FUT8: variants seen among roughly 807,000 people sequenced by gnomAD.
FUT8 encodes fucosyltransferase 8.
FUT8 carries 29 observed loss-of-function variants against 71.3 expected under a neutral mutation model. That is an observed-to-expected ratio of 0.41 (90% CI 0.30 to 0.55). The LOEUF (loss-of-function observed/expected upper bound fraction) is 0.55. FUT8 is among the 20% of genes least tolerant of loss of function. The pLI, the probability that FUT8 is intolerant of heterozygous loss-of-function variation, is 0.34. For missense variants in FUT8, 544 were observed against 702.1 expected (o/e 0.77, Z 2.55); for synonymous variants, 254 against 239.3 (o/e 1.06, Z -0.57).
intron 1 of FUT8, among the ~76,000 whole-genome samples, chr14:65,426,272 G>A (rs2065386420): frequency 6.7e-6 from 1 of 149,870 alleles, no homozygotes; most frequent in Non-Finnish European, 1.5e-5. Context: ...GTTCATCCAT[G>A]TTATTTGCAG....
the FUT8 span, among the ~76,000 whole-genome samples, chr14:65,394,010 G>A: frequency 1.3e-5 from 2 of 152,144 alleles, no homozygotes; most frequent in African/African-American, 4.8e-5. Flanking sequence ...AGGCTGAAGT[G>A]CAATGGCGCA....
chr14:65,397,154 A>T, the FUT8 span, among the ~76,000 whole-genome samples: 1 of 152,236 alleles, frequency 6.6e-6, no homozygotes, highest in Non-Finnish European at 1.5e-5. The surrounding 1 kb of genome is among the most constrained non-coding windows in gnomAD (Gnocchi z 4.2). Flanking sequence ...GCAGAGGAAG[A>T]AAGAGCTGGA....
the FUT8 span, among the ~76,000 whole-genome samples, chr14:65,371,886 A>G: frequency 4.6e-5 from 7 of 151,884 alleles, no homozygotes. Flanking sequence ...AGGGCTGCTC[A>G]GTGAGCAGAG....
At chr14:65,718,365 G>A (rs1895232946) in intron 7 of FUT8, among the ~76,000 whole-genome samples, 1 of 152,092 alleles carries the variant, frequency 6.6e-6, no homozygotes, top group African/African-American at 2.4e-5. Context: ...TAAATACTCT[G>A]TACTTTGTCC....
At chr14:65,425,468 GTTT>G (rs557101189) in intron 1 of FUT8, among the ~76,000 whole-genome samples, 2 of 119,564 alleles carry the variant, frequency 1.7e-5, no homozygotes, top group Non-Finnish European at 1.8e-5. Context: ...ATGCCTGGCC[GTTT>G]TTTTTTTTTT....
At chr14:65,503,794 A>G (rs2066683525) in intron 2 of FUT8, among the ~76,000 whole-genome samples, 1 of 152,228 alleles carries the variant, frequency 6.6e-6, no homozygotes, top group South Asian at 2.1e-4. Context: ...TCTCACAATT[A>G]GCTGGGGTGA....
intron 1 of FUT8, among the ~76,000 whole-genome samples, chr14:65,436,565 C>G (rs536828727): frequency 6.6e-6 from 1 of 150,562 alleles, no homozygotes; most frequent in East Asian, 2.0e-4. Flanking sequence ...GGAGGTGGAG[C>G]TGGCAGTGAG....
At chr14:65,436,707 T>C (rs1205588363) in intron 1 of FUT8, among the ~76,000 whole-genome samples, 1 of 152,172 alleles carries the variant, frequency 6.6e-6, no homozygotes, top group Admixed American at 6.5e-5. Flanking sequence ...GCATTGGGGT[T>C]GCACACTCAA....
At chr14:65,715,535 A>T (rs1895011587) in intron 7 of FUT8, among the ~76,000 whole-genome samples, 1 of 152,150 alleles carries the variant, frequency 6.6e-6, no homozygotes, top group Non-Finnish European at 1.5e-5. Flanking sequence ...TGGTTCTTTA[A>T]GATGCATCAT....
At chr14:65,412,513 C>T (rs538566132), upstream of FUT8, 2 of 358,430 alleles carry the variant, frequency 5.6e-6, no homozygotes, top group Admixed American at 7.4e-5. Flanking sequence ...CGAGCCGGAG[C>T]CGGCGTGCGC....
intron 6 of FUT8, among the ~76,000 whole-genome samples, chr14:65,637,623 G>A (rs1207203353): frequency 6.6e-6 from 1 of 151,984 alleles, no homozygotes; most frequent in Non-Finnish European, 1.5e-5. Context: ...TGTGGAGATG[G>A]GATCTCCCTA....
At chr14:65,667,811 A>G (rs140796621) in intron 6 of FUT8, among the ~76,000 whole-genome samples, 2,261 of 152,204 alleles carry the variant, frequency 0.015, 30 homozygotes, top group Non-Finnish European at 0.026. Flanking sequence ...TGGGTACCAA[A>G]CACCATGGTA....
chr14:65,707,416 A>G (rs971964978), intron 7 of FUT8, among the ~76,000 whole-genome samples: 3 of 152,064 alleles, frequency 2.0e-5, no homozygotes, highest in African/African-American at 2.4e-5. Context: ...TGTTGGGTGT[A>G]TGGCTTGCAA....
At chr14:65,649,840 T>C (rs182611344) in intron 6 of FUT8, among the ~76,000 whole-genome samples, 41 of 152,222 alleles carry the variant, frequency 2.7e-4, no homozygotes, top group Non-Finnish European at 4.6e-4. Flanking sequence ...AATACACTTA[T>C]TAGTTTGCCA....
At chr14:65,488,754 G>T (rs890354046) in intron 2 of FUT8, among the ~76,000 whole-genome samples, 1 of 152,082 alleles carries the variant, frequency 6.6e-6, no homozygotes, top group Non-Finnish European at 1.5e-5. Context: ...GACTGTGTTG[G>T]TTAGCATCCA....
At chr14:65,629,815 A>C (rs73268524) in intron 6 of FUT8, among the ~76,000 whole-genome samples, 219 of 139,286 alleles carry the variant, frequency 1.6e-3, no homozygotes, top group Non-Finnish European at 2.6e-3. Flanking sequence ...AAAGGGAGCT[A>C]CTTCTTACAC....
intron 2 of FUT8, among the ~76,000 whole-genome samples, chr14:65,524,900 A>C (rs1174123499): frequency 1.3e-5 from 2 of 152,270 alleles, no homozygotes; most frequent in South Asian, 2.1e-4. Flanking sequence ...ATGTTGAACG[A>C]GCCTTGCATC....
the FUT8 span, among the ~76,000 whole-genome samples, chr14:65,397,114 T>C: frequency 6.6e-6 from 1 of 152,142 alleles, no homozygotes; most frequent in Non-Finnish European, 1.5e-5. This position sits in a 1 kb window ranked among gnomAD's most constrained non-coding sequence, Gnocchi z 4.2. Context: ...AGTGGGATGA[T>C]TGGAATATGT....
intron 2 of FUT8, among the ~76,000 whole-genome samples, chr14:65,482,974 T>A (rs573030348): frequency 5.5e-4 from 84 of 152,300 alleles, no homozygotes; most frequent in African/African-American, 2.0e-3. Flanking sequence ...TTCACCATTA[T>A]CAGGCTTCTG....
Sources: allele counts gnomAD v4.1 joint callset (sites outside exome capture counted in the v4.1 genomes callset), GRCh38; gene constraint gnomAD v4.1.1; non-coding constraint Gnocchi (gnomAD v3.1); transcripts MANE v1.5; gene names NCBI Gene and HGNC (gene_info 2026-07-23, HGNC 2026-07-21).